TUSC3: variants seen among roughly 807,000 people sequenced by gnomAD.
TUSC3 encodes the protein dolichyl-diphosphooligosaccharide--protein glycosyltransferase subunit TUSC3.
TUSC3 carries 45 observed loss-of-function variants against 44.8 expected under a neutral mutation model. The observed-to-expected ratio is 1.00, with a 90% confidence interval of 0.79 to 1.29. The LOEUF is 1.29. TUSC3 is among the 50% of genes most tolerant of loss of function. The pLI is 0.00. For missense variants in TUSC3, 519 were observed against 437.9 expected (o/e 1.19, Z -1.65); for synonymous variants, 212 against 152.9 (o/e 1.39, Z -2.85).
the TUSC3 span, among the ~76,000 whole-genome samples, chr8:15,788,457 G>C: frequency 1.3e-5 from 2 of 149,332 alleles, no homozygotes; most frequent in Non-Finnish European, 3.0e-5. Context: ...TGAGGCAGGA[G>C]AATCTCCTGA....
intron 1 of TUSC3, among the ~76,000 whole-genome samples, chr8:15,427,025 T>C (rs1217626434): frequency 1.3e-5 from 2 of 152,020 alleles, no homozygotes; most frequent in African/African-American, 4.8e-5. Context: ...ATTGAAGAAA[T>C]GTTTAAGTCT....
chr8:15,721,294 A>G (rs1248103891), intron 6 of TUSC3, among the ~76,000 whole-genome samples: 3 of 152,074 alleles, frequency 2.0e-5, no homozygotes, highest in Non-Finnish European at 4.4e-5. Context: ...CAAGTGCAAA[A>G]TATTTGGTGA....
intron 1 of TUSC3, among the ~76,000 whole-genome samples, chr8:15,591,213 C>G (rs887520419): frequency 2.0e-5 from 3 of 151,982 alleles, no homozygotes; most frequent in Non-Finnish European, 4.4e-5. Flanking sequence ...TCAGCTTAAT[C>G]ATTTGGGGTT....
chr8:15,536,372 A>T (rs1801521402), upstream of TUSC3, among the ~76,000 whole-genome samples: 1 of 152,130 alleles, frequency 6.6e-6, no homozygotes. Flanking sequence ...ATCACTCCAG[A>T]CACTTTACCA....
intron 1 of TUSC3, among the ~76,000 whole-genome samples, chr8:15,455,373 A>G (rs1366368579): frequency 6.6e-6 from 1 of 152,066 alleles, no homozygotes; most frequent in African/African-American, 2.4e-5. Context: ...CATCATGTAT[A>G]TGTATGTATA....
At chr8:15,790,247 G>A in the TUSC3 span, among the ~76,000 whole-genome samples, 10 of 144,576 alleles carry the variant, frequency 6.9e-5, no homozygotes, top group Non-Finnish European at 9.0e-5. Context: ...GTGCAGTGGC[G>A]TGATTTTGGC....
At chr8:15,684,502 G>A (rs1033336016) in intron 6 of TUSC3, among the ~76,000 whole-genome samples, 28 of 152,250 alleles carry the variant, frequency 1.8e-4, no homozygotes, top group Non-Finnish European at 3.7e-4. Context: ...AGGCCCAACC[G>A]GCTAAGCTTG....
the TUSC3 span, among the ~76,000 whole-genome samples, chr8:15,795,799 G>A: frequency 1.3e-5 from 2 of 152,208 alleles, no homozygotes; most frequent in African/African-American, 4.8e-5. Flanking sequence ...TTCCAGATCA[G>A]TTTGAGTAAT....
intron 1 of TUSC3, among the ~76,000 whole-genome samples, chr8:15,417,872 CTTAA>C (rs1799678396): frequency 6.6e-6 from 1 of 152,024 alleles, no homozygotes; most frequent in South Asian, 2.1e-4. Flanking sequence ...ATGGAGCTGT[CTTAA>C]TTAAGTCAAG....
chr8:15,821,341 A>C, the TUSC3 span, among the ~76,000 whole-genome samples: 1 of 132,704 alleles, frequency 7.5e-6, no homozygotes, highest in Non-Finnish European at 1.6e-5. Flanking sequence ...TAGCAGATTG[A>C]TTTTAATGTA....
intron 2 of TUSC3, among the ~76,000 whole-genome samples, chr8:15,636,633 G>A (rs754048751): frequency 6.6e-6 from 1 of 152,200 alleles, no homozygotes; most frequent in Non-Finnish European, 1.5e-5. Flanking sequence ...CATTAGGTTT[G>A]TGTGTCCCCA....
At chr8:15,618,236 C>T (rs984117419) in intron 1 of TUSC3, among the ~76,000 whole-genome samples, 2 of 152,070 alleles carry the variant, frequency 1.3e-5, no homozygotes, top group Admixed American at 6.6e-5. Context: ...TAGGCTTTAT[C>T]GAAAGATTTT....
rs1239480224 is a variant in TUSC3, at chr8:15,720,197, T to TACACACAC, written c.799-10468_799-10467insCACACACA. ...ATCATTGTTAAATATAGTGTATATATATATACACACACACACACACACACA... is the reference window on the plus strand; with the variant it reads ...ATCATTGTTAAATATAGTGTATATATACACACACATATACACACACACACACACACACA... On this transcript the variant is annotated intron_variant, in intron 6 of 10. Transcript: ENST00000503731. Among the ~76,000 whole-genome samples the TACACACAC allele has an allele frequency of 2.5e-3, 264 of 105,334 alleles. 1 individual carries two copies. The highest frequency in any genetic ancestry group is 9.8e-3 in the African/African-American group (247 of 25,146). 69.1% of individuals were successfully genotyped at this position (105,334 alleles called of 152,430 possible). A position where few individuals can be genotyped will look rare whatever the true frequency, so the allele number is the denominator to read the frequency against.
the TUSC3 span, among the ~76,000 whole-genome samples, chr8:15,820,219 T>G: frequency 1.3e-5 from 2 of 152,268 alleles, no homozygotes; most frequent in East Asian, 3.9e-4. Context: ...TCATAATGTA[T>G]TATGCTTCTT....
chr8:15,468,236 G>C (rs918981573), intron 1 of TUSC3, among the ~76,000 whole-genome samples: 2 of 152,150 alleles, frequency 1.3e-5, no homozygotes, highest in Non-Finnish European at 2.9e-5. Context: ...AGATGCCCTG[G>C]TGGAATCCCA....
At chr8:15,806,564 A>G in the TUSC3 span, 5 of 1,453,822 alleles carry the variant, frequency 3.4e-6, no homozygotes, top group Non-Finnish European at 4.8e-6. Flanking sequence ...TTCATTTCCC[A>G]TAACATCCCA....
At chr8:15,681,181 A>T (rs1289690665) in intron 6 of TUSC3, among the ~76,000 whole-genome samples, 8 of 136,864 alleles carry the variant, frequency 5.8e-5, no homozygotes, top group South Asian at 2.2e-4. Flanking sequence ...GCTCTTCTTT[A>T]TTATCCATCT....
At chr8:15,776,867 A>G in the TUSC3 span, among the ~76,000 whole-genome samples, 1 of 152,152 alleles carries the variant, frequency 6.6e-6, no homozygotes, top group South Asian at 2.1e-4. Context: ...TGAAAGAAAC[A>G]GGGTAACATG....
chr8:15,422,481 G>A (rs1799749218), intron 1 of TUSC3, among the ~76,000 whole-genome samples: 2 of 152,180 alleles, frequency 1.3e-5, no homozygotes, highest in Non-Finnish European at 2.9e-5. Flanking sequence ...ATATTAGTTA[G>A]AAGATATAAG....
Sources: allele counts gnomAD v4.1 joint callset (sites outside exome capture counted in the v4.1 genomes callset), GRCh38; gene constraint gnomAD v4.1.1; transcripts MANE v1.5; gene names NCBI Gene and HGNC (gene_info 2026-07-23, HGNC 2026-07-21).